LSS: variants seen among roughly 807,000 people sequenced by gnomAD.
LSS encodes the protein 2,3-epoxysqualene-lanosterol cyclase.
A neutral mutation model predicts 110.3 loss-of-function variants in LSS; 90 were observed. The ratio of observed to expected loss-of-function variants is 0.82; its 90% CI spans 0.69 to 0.97. The LOEUF (loss-of-function observed/expected upper bound fraction) is 0.97. Among genes scored for constraint, LSS ranks in the 50% least tolerant of loss-of-function variants. The pLI, the probability that LSS is intolerant of heterozygous loss-of-function variation, is 0.00. For synonymous variants in LSS, 433 were observed against 400.0 expected (o/e 1.08, Z -0.98); for missense variants, 927 against 990.0 (o/e 0.94, Z 0.85).
chr21:46,222,793 A>AC, intron 3 of LSS, 55 bp from the exon 4 acceptor site: 1 of 1,352,736 alleles, frequency 7.4e-7, no homozygotes, highest in South Asian at 1.2e-5. Context: ...GACTGCTAAG[A>AC]CCAGGCCCCT....
In LSS at chr21:46,215,625, G is replaced by GT; in HGVS notation, c.892+59dup. The GT allele has an allele frequency of 4.1e-6, 5 of 1,217,468 alleles. No homozygotes were observed. The South Asian group carries it at 7.0e-5, about 17-fold the overall frequency. 75.4% of individuals were successfully genotyped at this position (1,217,468 alleles called of 1,614,324 possible). A position where few individuals can be genotyped will look rare whatever the true frequency, so the allele number is the denominator to read the frequency against. On this transcript the variant is annotated intron_variant, in intron 8 of 21. Coordinates refer to ENST00000397728, the MANE Select transcript of LSS (RefSeq NM_002340.6). Reference sequence around the variant, plus strand: ...TGGCAGGGGATGAGTGCGTGAATGAGTGGGCGACACCCTGACCCTGACCCT... The same window carrying GT: ...TGGCAGGGGATGAGTGCGTGAATGAGTTGGGCGACACCCTGACCCTGACCCT...
intron 1 of LSS, 51 bp downstream of exon 1, chr21:46,228,681 G>T: frequency 6.2e-7 from 1 of 1,601,524 alleles, no homozygotes. Flanking sequence ...GCTCTCCTCA[G>T]CACCTAGGAC....
At chr21:46,204,161 G>C (rs1476158709) in intron 17 of LSS, among the ~76,000 whole-genome samples, 1 of 152,100 alleles carries the variant, frequency 6.6e-6, no homozygotes, top group Admixed American at 6.5e-5. Context: ...CAGTCATGGT[G>C]GTCAGCACCT....
At position 46,189,644 on chromosome 21, in the gene LSS, G is replaced by A. The variant is rs2079776691; in HGVS notation, c.*1460C>T. 2.2e-6 allele frequency: 1 copy of A among 455,946 alleles called. No homozygotes were observed. The highest frequency in any genetic ancestry group is 6.9e-5 in the East Asian group (1 of 14,412). The allele number at this position is 455,946 out of a possible 1,614,324, so 28.2% of individuals were successfully genotyped here. On this transcript the variant is annotated 3_prime_UTR_variant, in exon 22 of 22. Transcript: ENST00000397728. ...CCCTGAAGGACTCTGGGCAGGCAAT[G>A]ACAGGATCTGAGGGTGTCCAGACGC...
chr21:46,196,206 C>G lies in LSS; in HGVS notation c.1732G>C (p.Glu578Gln). The G allele has an allele frequency of 6.2e-7, 1 of 1,614,134 alleles. No individual in the cohort carries two copies. Among genetic ancestry groups the G allele is most frequent in the Non-Finnish European group, 8.5e-7 (1 of 1,180,028 alleles). The change falls in exon 18 of 22, where the codon GAA becomes CAA. Residue 578 changes from glutamate (E) to glutamine (Q), a missense_variant. Glu to Gln is a conservative substitution (Grantham distance 29). Coordinates refer to ENST00000397728, the MANE Select transcript of LSS (RefSeq NM_002340.6). ...CACGAGTGGAGGCTCACTCACCCTT[C>G]CCAGGAGCCATCGGCCCTCTGCTGC... The part of the protein sequence containing the change: ...RRQQRADGSW[E>Q]GSWGVCFTYG...
At position 46,190,939 on chromosome 21, in the gene LSS, CCT is replaced by C; in HGVS notation, c.*163_*164del. 3 of 739,370 alleles carry C rather than the reference CCT, an allele frequency of 4.1e-6. No individual in the cohort carries two copies. In the East Asian group the frequency reaches 8.1e-5, roughly 20 times the overall value. 45.8% of individuals were successfully genotyped at this position (739,370 alleles called of 1,614,324 possible). A position where few individuals can be genotyped will look rare whatever the true frequency, so the allele number is the denominator to read the frequency against. On this transcript the variant is annotated 3_prime_UTR_variant, in exon 22 of 22. Transcript: ENST00000397728. The surrounding 1 kb of genome is among the most constrained non-coding windows in gnomAD (Gnocchi z 4.6). ...AAAATCAAGAGTCTAAGCCACCCAC[CCT>C]GTCCCCATCCCTGCCTCCAGCCTGG... is the stretch of plus-strand genomic sequence containing the variant.
intron 5 of LSS, 131 bp downstream of exon 5, chr21:46,221,723 G>A (rs2080281282): frequency 1.5e-6 from 2 of 1,374,596 alleles, no homozygotes; most frequent in African/African-American, 2.9e-5. Context: ...CTTCTGCTTT[G>A]ACAAATTCCC....
At chr21:46,221,311 T>C (rs912231150) in intron 5 of LSS, among the ~76,000 whole-genome samples, 12 of 152,056 alleles carry the variant, frequency 7.9e-5, no homozygotes, top group African/African-American at 1.9e-4. Flanking sequence ...GTTTAAGTTT[T>C]TGCCAATTCA....
Position 46,209,386 on chromosome 21 carries a change from C to G in LSS, c.1266+168G>C, listed in dbSNP as rs746900757. Among the ~76,000 whole-genome samples, 20 of 140,546 alleles carry G rather than the reference C, an allele frequency of 1.4e-4. No individual in the cohort carries two copies. Among genetic ancestry groups the G allele is most frequent in the Admixed American group, 1.3e-3 (18 of 14,320 alleles). 92.2% of individuals were successfully genotyped at this position (140,546 alleles called of 152,430 possible). On this transcript the variant is annotated intron_variant, in intron 13 of 21. Transcript: ENST00000397728. The surrounding 1 kb of genome is among the most constrained non-coding windows in gnomAD (Gnocchi z 4.4). ...CAGGTGAGGCCAGCCCGAGGAGGAC[C>G]GGTGGATGGAGCAGGGGCTAGGGAG...
At chr21:46,221,282 G>A (rs2839156) in intron 5 of LSS, among the ~76,000 whole-genome samples, 23,624 of 152,116 alleles carry the variant, frequency 0.16, 2,399 homozygotes, top group East Asian at 0.56. Flanking sequence ...CCCAGAAGGT[G>A]GACATATTAA....
At chr21:46,192,427 C>A (rs2079829755) in intron 20 of LSS, 2 of 440,244 alleles carry the variant, frequency 4.5e-6, no homozygotes, top group Non-Finnish European at 9.1e-6. Context: ...CTCAAGCAGA[C>A]CTGCCCTAGC....
At chr21:46,195,512 G>A (rs914241505) in intron 19 of LSS, among the ~76,000 whole-genome samples, 164 bp downstream of exon 19, 2 of 152,232 alleles carry the variant, frequency 1.3e-5, no homozygotes, top group African/African-American at 2.4e-5. Context: ...CAGTGAGCTA[G>A]GATCATGCCA....
At chr21:46,212,359 AC>A (rs1338031292) in intron 11 of LSS, among the ~76,000 whole-genome samples, 2 of 152,178 alleles carry the variant, frequency 1.3e-5, no homozygotes, top group African/African-American at 2.4e-5. Context: ...GAAGACAGGC[AC>A]CGCAGGGCGT....
chr21:46,217,234 ACT>A (rs1407547495), intron 6 of LSS, among the ~76,000 whole-genome samples: 6 of 135,890 alleles, frequency 4.4e-5, no homozygotes, highest in Admixed American at 2.3e-4. Flanking sequence ...AGAGCGAGAG[ACT>A]CTGTCTCAAA....
Position 46,213,720 on chromosome 21 carries a change from T to C in LSS, c.1109+18A>G, listed in dbSNP as rs1308550831. The stretch of plus-strand genomic sequence containing the variant: ...GTCTTCGTGAGAGGCCCCGCCAGCA[T>C]ATCCCAGCCACACTCACCAGAGATA... On this transcript the variant is annotated intron_variant, in intron 10 of 21. Transcript: ENST00000397728. 10 of 1,608,274 alleles carry C rather than the reference T, an allele frequency of 6.2e-6. No homozygotes were observed. Among genetic ancestry groups the C allele is most frequent in the South Asian group, 3.3e-5 (3 of 90,172 alleles).
rs1569032738 is a variant in LSS, at chr21:46,216,857, T to C, written c.648-333A>G. Among the ~76,000 whole-genome samples the C allele has an allele frequency of 6.6e-6, 1 of 152,138 alleles. No individual in the cohort carries two copies. Among genetic ancestry groups the C allele is most frequent in the Non-Finnish European group, 1.5e-5 (1 of 68,010 alleles). On this transcript the variant is annotated intron_variant, in intron 6 of 21. Coordinates refer to ENST00000397728, the MANE Select transcript of LSS (RefSeq NM_002340.6). This position sits in a 1 kb window ranked among gnomAD's most constrained non-coding sequence, Gnocchi z 4.2. ...TAAAACATCAACAATGGGGATATGG[T>C]GTGAGGGCCCCAGGGAACACTCTTG...
rs1206931876 is a variant in LSS at position 46,215,692 on chromosome 21, C to T, written c.885G>A (p.Val295=). The T allele has an allele frequency of 1.9e-6, 3 of 1,609,654 alleles. No homozygotes were observed. The highest frequency in any genetic ancestry group is 2.5e-6 in the Non-Finnish European group (3 of 1,177,448). Residue 295 remains valine, a synonymous_variant, in exon 8 of 22, where the codon GTG becomes GTA. Transcript: ENST00000397728. ...LYTPHSWLLR[V]VYALLNLYEH... is the part of the protein sequence containing the mutation. ...CCCTCAGGAGGCGCTCACCATATACCACGCGGAGCAGCCAGCTGTGCGGCG... is the reference window on the plus strand; with the variant it reads ...CCCTCAGGAGGCGCTCACCATATACTACGCGGAGCAGCCAGCTGTGCGGCG...
Position 46,191,940 on chromosome 21 carries a change from G to A in LSS, c.2008C>T (p.Gln670Ter). The A allele has an allele frequency of 1.9e-6, 3 of 1,613,644 alleles. No individual in the cohort carries two copies. The highest frequency in any genetic ancestry group is 2.5e-6 in the Non-Finnish European group (3 of 1,179,862). Residue 670 changes from glutamine to a stop codon, truncating the protein, a stop_gained, in exon 21 of 22, where the codon CAG (glutamine) becomes TAG (stop). Coordinates refer to ENST00000397728, the MANE Select transcript of LSS (RefSeq NM_002340.6). LOFTEE classifies it high-confidence loss of function. ...AGTAGACACCGGACTCCTCTCTCCTGGGCCTCGATGTCAGGATGCCTGGTG... is the reference window on the plus strand; with the variant it reads ...AGTAGACACCGGACTCCTCTCTCCTAGGCCTCGATGTCAGGATGCCTGGTG... ...MAVRHPDIEA[Q>*]ERGVRCLLEK...
At chr21:46,191,571 G>T (rs926810927) in intron 21 of LSS, among the ~76,000 whole-genome samples, 4 of 152,224 alleles carry the variant, frequency 2.6e-5, no homozygotes, top group Non-Finnish European at 5.9e-5. Flanking sequence ...TTCTGGCTCA[G>T]TGAGGGGCCA....
Sources: allele counts gnomAD v4.1 joint callset (sites outside exome capture counted in the v4.1 genomes callset), GRCh38; gene constraint gnomAD v4.1.1; non-coding constraint Gnocchi (gnomAD v3.1); transcripts MANE v1.5; gene names NCBI Gene and HGNC (gene_info 2026-07-23, HGNC 2026-07-21).